The following CAMTA1 variants were observed in gnomAD, a reference collection of about 807,000 sequenced individuals.
CAMTA1 encodes the protein calmodulin-binding transcription activator 1.
CAMTA1 carries 27 observed loss-of-function variants against 170.9 expected under a neutral mutation model. The ratio of observed to expected loss-of-function variants is 0.16; its 90% CI spans 0.12 to 0.22. CAMTA1 has a LOEUF of 0.22. CAMTA1 is among the 10% of genes least tolerant of loss of function. CAMTA1 has a pLI of 1.00. For missense variants in CAMTA1, 1,619 were observed against 2,217.2 expected, an observed-to-expected ratio of 0.73 and a Z score of 5.42; for synonymous variants, 833 against 891.5, an observed-to-expected ratio of 0.93 and a Z score of 1.17.
rs966613011 is a variant in CAMTA1 at position 6,918,091 on chromosome 1, C to T, written c.234+92881C>T. ...GCCTTGCTTGCTTGTCTCTAACTTT[C>T]CTTCTGTGGCTCCTAATGGTGAAGG... On this transcript the variant is annotated intron_variant, in intron 3 of 22. Transcript: ENST00000303635. The surrounding 1 kb of genome is among the most constrained non-coding windows in gnomAD (Gnocchi z 4.0). Among the ~76,000 whole-genome samples, 1 of 152,124 alleles carries T rather than the reference C, an allele frequency of 6.6e-6. No individual in the cohort carries two copies. Among genetic ancestry groups the T allele is most frequent in the Non-Finnish European group, 1.5e-5 (1 of 68,032 alleles).
chr1:7,325,347 G>A lies in CAMTA1; in HGVS notation c.438+75721G>A, dbSNP rs1047140055. 3.9e-5 allele frequency among the ~76,000 whole-genome samples: 6 copies of A among 152,320 alleles called. No individual in the cohort carries two copies. The highest frequency in any genetic ancestry group is 2.1e-4 in the South Asian group (1 of 4,822). The stretch of plus-strand genomic sequence containing the variant: ...AGTTTTCTGTGGAGTGCTCAGGGGC[G>A]GCCTTGAATGGAGGCTGGAGGGTGC... On this transcript the variant is annotated intron_variant, in intron 5 of 22. Transcript: ENST00000303635. This position sits in a 1 kb window ranked among gnomAD's most constrained non-coding sequence, Gnocchi z 5.0.
chr1:7,436,097 G>A (rs2092338285), intron 5 of CAMTA1, among the ~76,000 whole-genome samples: 1 of 152,206 alleles, frequency 6.6e-6, no homozygotes, highest in Admixed American at 6.5e-5. Context: ...TCGAGCCACA[G>A]CCTGATATGA....
intron 3 of CAMTA1, among the ~76,000 whole-genome samples, chr1:6,844,152 G>C (rs1023407530): frequency 6.6e-6 from 1 of 152,164 alleles, no homozygotes; most frequent in Admixed American, 6.5e-5. Flanking sequence ...AATATATATT[G>C]TTTGATTCTG....
intron 3 of CAMTA1, among the ~76,000 whole-genome samples, chr1:7,085,416 C>G (rs527616561): frequency 2.2e-4 from 33 of 152,372 alleles, no homozygotes; most frequent in Middle Eastern, 3.4e-3. Context: ...TCTTCAGACA[C>G]AGGAACTGTA....
intron 5 of CAMTA1, among the ~76,000 whole-genome samples, chr1:7,398,320 A>G (rs1335997681): frequency 6.8e-6 from 1 of 147,446 alleles, no homozygotes; most frequent in Non-Finnish European, 1.5e-5. Flanking sequence ...TGACCACTTT[A>G]TTATTATATA....
Position 6,934,217 on chromosome 1 carries a change from T to G in CAMTA1, c.234+109007T>G, listed in dbSNP as rs201397105. Among the ~76,000 whole-genome samples, 2 of 152,202 alleles carry G rather than the reference T, an allele frequency of 1.3e-5. No individual in the cohort carries two copies. Among genetic ancestry groups the G allele is most frequent in the East Asian group, 3.9e-4 (2 of 5,176 alleles). The stretch of plus-strand genomic sequence containing the variant: ...GAGACACTCTGCATTGACCTTAGGG[T>G]TTCAGGATGGGATGCTTTTGGCTGA... On this transcript the variant is annotated intron_variant, in intron 3 of 22. Coordinates refer to ENST00000303635, the MANE Select transcript of CAMTA1 (RefSeq NM_015215.4). The surrounding 1 kb of genome is among the most constrained non-coding windows in gnomAD (Gnocchi z 4.5).
Position 7,248,006 on chromosome 1 carries a change from C to T in CAMTA1, c.303-1485C>T, listed in dbSNP as rs926949610. ...TGACACAAACCAATTGTGCCCTGAT[C>T]GGGAAACAATGAAGTATCGGGAGTC... On this transcript the variant is annotated intron_variant, in intron 4 of 22. Coordinates refer to ENST00000303635, the MANE Select transcript of CAMTA1 (RefSeq NM_015215.4). The surrounding 1 kb of genome is among the most constrained non-coding windows in gnomAD (Gnocchi z 4.0). Among the ~76,000 whole-genome samples the T allele has an allele frequency of 6.6e-6, 1 of 152,146 alleles. No individual in the cohort carries two copies. Among genetic ancestry groups the T allele is most frequent in the Non-Finnish European group, 1.5e-5 (1 of 68,030 alleles).
chr1:6,834,258 ATTT>A (rs1651865664), intron 3 of CAMTA1: 2 of 146,890 alleles, frequency 1.4e-5, no homozygotes, highest in Admixed American at 1.4e-4. Flanking sequence ...TTATTTTTTA[ATTT>A]TTATTTTATT....
chr1:7,264,897 G>A (rs1171662828), intron 5 of CAMTA1, among the ~76,000 whole-genome samples: 1 of 152,164 alleles, frequency 6.6e-6, no homozygotes, highest in Non-Finnish European at 1.5e-5. Context: ...TGAATAGAAT[G>A]CCTTAAGTTT....
At chr1:7,603,514 T>C (rs1414751374) in intron 6 of CAMTA1, among the ~76,000 whole-genome samples, 2 of 152,210 alleles carry the variant, frequency 1.3e-5, no homozygotes, top group Admixed American at 6.5e-5. Context: ...CCCCTGCCTT[T>C]TTTTGTTTTC....
intron 3 of CAMTA1, among the ~76,000 whole-genome samples, chr1:7,052,194 G>A (rs1706502199): frequency 1.3e-5 from 2 of 152,258 alleles, no homozygotes. Flanking sequence ...GGCCACCCTT[G>A]GGCCCTGGGG....
chr1:7,031,713 T>C (rs751246521), intron 3 of CAMTA1, among the ~76,000 whole-genome samples: 14 of 152,088 alleles, frequency 9.2e-5, no homozygotes, highest in Non-Finnish European at 1.8e-4. Context: ...CTAATTTTTT[T>C]GTATTTTTTA....
chr1:7,167,547 C>A (rs1270072616), intron 4 of CAMTA1, among the ~76,000 whole-genome samples: 2 of 152,124 alleles, frequency 1.3e-5, no homozygotes, highest in East Asian at 1.9e-4. Flanking sequence ...TTCTCCTCTC[C>A]CTCCTACCAC....
In CAMTA1 at chr1:6,900,639, C is replaced by T. The variant is rs565531057; in HGVS notation, c.234+75429C>T. Among the ~76,000 whole-genome samples the T allele has an allele frequency of 5.3e-5, 8 of 152,138 alleles. No homozygotes were observed. The South Asian group carries it at 1.5e-3, about 28-fold the overall frequency. On this transcript the variant is annotated intron_variant, in intron 3 of 22. Coordinates refer to ENST00000303635, the MANE Select transcript of CAMTA1 (RefSeq NM_015215.4). ...GATCAATTGTATTTCTATATATTAG[C>T]AACAAACAATTGGAAGAGGAAACTT...
At chr1:7,105,437 A>G (rs1010172800) in intron 4 of CAMTA1, among the ~76,000 whole-genome samples, 1 of 152,208 alleles carries the variant, frequency 6.6e-6, no homozygotes, top group Non-Finnish European at 1.5e-5. Context: ...ATCTGCTGGG[A>G]ACTTCCCATG....
intron 5 of CAMTA1, among the ~76,000 whole-genome samples, chr1:7,458,478 G>T (rs1391079380): frequency 6.6e-6 from 1 of 152,178 alleles, no homozygotes; most frequent in East Asian, 1.9e-4. Context: ...TTAACATTGT[G>T]GAAGGACAGG....
At chr1:7,178,930 G>A (rs1396455582) in intron 4 of CAMTA1, among the ~76,000 whole-genome samples, 1 of 152,232 alleles carries the variant, frequency 6.6e-6, no homozygotes, top group Non-Finnish European at 1.5e-5. Context: ...AGGTTGCTTG[G>A]CAGTGGCCGT....
chr1:6,990,920 T>A (rs1696272618), intron 3 of CAMTA1, among the ~76,000 whole-genome samples: 1 of 151,840 alleles, frequency 6.6e-6, no homozygotes, highest in Non-Finnish European at 1.5e-5. Flanking sequence ...TGGTGAAGGC[T>A]GAGATTTCAG....
intron 5 of CAMTA1, among the ~76,000 whole-genome samples, chr1:7,434,762 C>T (rs778019141): frequency 4.6e-4 from 70 of 151,666 alleles, no homozygotes; most frequent in Admixed American, 1.7e-3. Context: ...GGAGGGGAGC[C>T]GGGCATGGTG....
Sources: gnomAD v4.1 joint callset for allele counts (sites outside exome capture counted in the v4.1 genomes callset) on GRCh38, gnomAD v4.1.1 for gene constraint, Gnocchi (gnomAD v3.1) non-coding constraint, MANE v1.5 for transcripts, NCBI Gene and HGNC (gene_info 2026-07-23, HGNC 2026-07-21) for gene names.